The following CDH18 variants were observed in gnomAD, a reference collection of about 807,000 sequenced individuals.
CDH18 encodes the protein cadherin 18, also known as cadherin-18.
Under a neutral mutation model 67.9 loss-of-function variants are expected in CDH18, and 31 were observed. The ratio of observed to expected loss-of-function variants is 0.46; its 90% CI spans 0.34 to 0.62. The LOEUF is 0.62. CDH18 is among the 20% of genes least tolerant of loss of function. The pLI is 0.01. For synonymous variants in CDH18, 362 were observed against 347.2 expected, an observed-to-expected ratio of 1.04 and a Z score of -0.48; for missense variants, 890 against 975.5, an observed-to-expected ratio of 0.91 and a Z score of 1.17.
At chr5:19,829,408 T>C (rs1021932713) in intron 3 of CDH18, among the ~76,000 whole-genome samples, 2 of 152,188 alleles carry the variant, frequency 1.3e-5, no homozygotes, top group Admixed American at 6.5e-5. Context: ...AGCACTTATA[T>C]ACAAGAACAA....
chr5:20,512,832 C>T (rs546671476), intron 1 of CDH18, among the ~76,000 whole-genome samples: 5 of 146,114 alleles, frequency 3.4e-5, no homozygotes, highest in Admixed American at 2.7e-4. Context: ...TGCAGTGAGC[C>T]AAGATTGCAC....
intron 2 of CDH18, among the ~76,000 whole-genome samples, chr5:19,913,676 C>G (rs1791414004): frequency 6.6e-6 from 1 of 151,970 alleles, no homozygotes; most frequent in East Asian, 1.9e-4. Context: ...GACATGATAT[C>G]TATCTAAAAA....
Position 20,351,575 on chromosome 5 carries a change from A to C in CDH18, c.-579-96070T>G, listed in dbSNP as rs76930055. Among the ~76,000 whole-genome samples, 1,048 of 100,626 alleles carry C rather than the reference A, an allele frequency of 0.01. 35 individuals carry two copies. The East Asian group carries it at 0.11, about 10-fold the overall frequency. The allele number at this position is 100,626 out of a possible 152,430, so 66.0% of individuals were successfully genotyped here. ...CTTAGTTTGTCCATACAGTATCACC[A>C]TGTAATAGCTGAAAATGTTTTTTTT... On this transcript the variant is annotated intron_variant, in intron 1 of 14. Transcript: ENST00000507958.
chr5:20,249,512 A>G (rs1324362249), intron 2 of CDH18, among the ~76,000 whole-genome samples: 3 of 151,456 alleles, frequency 2.0e-5, no homozygotes, highest in South Asian at 2.1e-4. Flanking sequence ...ACTCCCGAGT[A>G]GCTGGGACTA....
At chr5:19,807,667 C>T (rs1030086362) in intron 3 of CDH18, among the ~76,000 whole-genome samples, 4 of 152,136 alleles carry the variant, frequency 2.6e-5, no homozygotes, top group Non-Finnish European at 5.9e-5. Context: ...TTCTCCACCA[C>T]GAACACTTAT....
intron 6 of CDH18, among the ~76,000 whole-genome samples, chr5:19,609,075 C>T (rs1748541858): frequency 6.6e-6 from 1 of 151,808 alleles, no homozygotes; most frequent in South Asian, 2.1e-4. Context: ...ATGCAACAAC[C>T]ATAACCCAGA....
intron 3 of CDH18, among the ~76,000 whole-genome samples, chr5:19,786,130 A>G (rs1395152029): frequency 1.3e-5 from 2 of 152,148 alleles, no homozygotes; most frequent in African/African-American, 4.8e-5. Flanking sequence ...TATATTACTT[A>G]TGATATGAAA....
intron 2 of CDH18, among the ~76,000 whole-genome samples, chr5:19,947,698 G>A (rs764667766): frequency 1.3e-5 from 2 of 151,060 alleles, no homozygotes; most frequent in Non-Finnish European, 1.5e-5. Context: ...GGGAGGTGGA[G>A]ATTGCAGTGA....
intron 5 of CDH18, among the ~76,000 whole-genome samples, chr5:19,675,415 G>A (rs58356652): frequency 0.042 from 6,323 of 152,012 alleles, 389 homozygotes; most frequent in African/African-American, 0.14. Context: ...AACGACAAAC[G>A]TAAAAGACAG....
At chr5:20,419,551 C>G (rs1747679050) in intron 1 of CDH18, among the ~76,000 whole-genome samples, 1 of 138,726 alleles carries the variant, frequency 7.2e-6, no homozygotes, top group Admixed American at 7.8e-5. Context: ...TCTCGGCTCA[C>G]TGCAAGCTCT....
chr5:19,687,949 AC>A (rs1227532952), intron 5 of CDH18, among the ~76,000 whole-genome samples: 1 of 152,090 alleles, frequency 6.6e-6, no homozygotes, highest in Non-Finnish European at 1.5e-5. Context: ...GCTTGGCACC[AC>A]TTGTGCAGTA....
At chr5:19,497,259 G>A (rs1054795820) in intron 11 of CDH18, among the ~76,000 whole-genome samples, 1 of 152,136 alleles carries the variant, frequency 6.6e-6, no homozygotes, top group South Asian at 2.1e-4. Flanking sequence ...AATTTCACTA[G>A]TGATTTACAT....
rs187674071 is a variant in CDH18 at position 19,982,094 on chromosome 5, A to C, written c.-375-916T>G. Among the ~76,000 whole-genome samples, 316 of 152,332 alleles carry C rather than the reference A, an allele frequency of 2.1e-3. 2 individuals are homozygous for C. Among genetic ancestry groups the C allele is most frequent in the African/African-American group, 7.1e-3 (295 of 41,582 alleles). On this transcript the variant is annotated intron_variant, in intron 1 of 12. Transcript: ENST00000382275. The stretch of plus-strand genomic sequence containing the variant: ...CAATTGGATTTTATTTTTGCTTTAA[A>C]AAATTTCTACAGGTAGAATTTTAGT...
At chr5:19,866,869 A>G (rs542815095) in intron 2 of CDH18, among the ~76,000 whole-genome samples, 6 of 152,284 alleles carry the variant, frequency 3.9e-5, no homozygotes, top group African/African-American at 1.4e-4. Flanking sequence ...AAGCAGGCGG[A>G]TCACAAGGTC....
chr5:19,626,894 C>T (rs1400558594), intron 5 of CDH18, among the ~76,000 whole-genome samples: 3 of 152,158 alleles, frequency 2.0e-5, no homozygotes, highest in South Asian at 2.1e-4. Context: ...AGAGCTGGCT[C>T]ATAGATATAA....
At chr5:20,144,979 C>A (rs1029106774) in intron 2 of CDH18, among the ~76,000 whole-genome samples, 4 of 152,036 alleles carry the variant, frequency 2.6e-5, no homozygotes, top group African/African-American at 9.7e-5. Context: ...AGGGGAGAGG[C>A]GTCAGAAGGA....
chr5:20,419,475 T>TTG (rs1747664053), intron 1 of CDH18, among the ~76,000 whole-genome samples: 3 of 76,138 alleles, frequency 3.9e-5, no homozygotes, highest in Non-Finnish European at 2.8e-5. Context: ...TTTTTTTTTT[T>TTG]TTTTTTTTTT....
At chr5:19,921,857 T>C (rs887594093) in intron 2 of CDH18, among the ~76,000 whole-genome samples, 7 of 152,134 alleles carry the variant, frequency 4.6e-5, no homozygotes, top group African/African-American at 1.7e-4. Flanking sequence ...TTTTAATTTC[T>C]AATACAATAA....
intron 2 of CDH18, among the ~76,000 whole-genome samples, chr5:19,956,872 C>T (rs868249440): frequency 6.6e-6 from 1 of 151,834 alleles, no homozygotes; most frequent in African/African-American, 2.4e-5. Flanking sequence ...ATAAGAATCT[C>T]AAGAGCAGAA....
Sources: allele counts gnomAD v4.1 joint callset (sites outside exome capture counted in the v4.1 genomes callset), GRCh38; gene constraint gnomAD v4.1.1; transcripts MANE v1.5; gene names NCBI Gene and HGNC (gene_info 2026-07-23, HGNC 2026-07-21).